Variants in APPBP2 observed in about 807,000 individuals in gnomAD.
APPBP2 encodes amyloid protein-binding protein 2.
In APPBP2, 15 loss-of-function variants were observed where a neutral mutation model predicts 76.0. That is an observed-to-expected ratio of 0.20 (90% CI 0.13 to 0.30). The LOEUF is 0.30. APPBP2 is among the 10% of genes least tolerant of loss of function. APPBP2 has a pLI of 1.00. For synonymous variants in APPBP2, 222 were observed against 242.2 expected, an observed-to-expected ratio of 0.92 and a Z score of 0.77; for missense variants, 401 against 687.2, an observed-to-expected ratio of 0.58 and a Z score of 4.66.
At chr17:60,508,233 G>A (rs901736398) in intron 1 of APPBP2, among the ~76,000 whole-genome samples, 1 of 152,028 alleles carries the variant, frequency 6.6e-6, no homozygotes, top group Non-Finnish European at 1.5e-5. Flanking sequence ...ATATGATGAA[G>A]GTAGGCAAAC....
intron 4 of APPBP2, among the ~76,000 whole-genome samples, chr17:60,476,458 TAA>T (rs1474663904): frequency 1.3e-5 from 2 of 152,140 alleles, no homozygotes; most frequent in Non-Finnish European, 2.9e-5. Flanking sequence ...AAAAAAAGGC[TAA>T]GTCATAAAAT....
chr17:60,494,040 A>G (rs2143431602), intron 3 of APPBP2, among the ~76,000 whole-genome samples: 1 of 152,318 alleles, frequency 6.6e-6, no homozygotes, highest in East Asian at 1.9e-4. Flanking sequence ...CATTTTAGAG[A>G]TGGGAAAACT....
At chr17:60,486,603 G>C (rs1382920637) in intron 3 of APPBP2, among the ~76,000 whole-genome samples, 2 of 151,986 alleles carry the variant, frequency 1.3e-5, no homozygotes, top group Non-Finnish European at 2.9e-5. Context: ...ATGTGAGATG[G>C]GTCTCCTAAA....
At chr17:60,514,272 T>C (rs2090944934) in intron 1 of APPBP2, among the ~76,000 whole-genome samples, 2 of 151,898 alleles carry the variant, frequency 1.3e-5, no homozygotes, top group Non-Finnish European at 1.5e-5. Context: ...CCAGCCTGGG[T>C]AACAGAGCAA....
intron 1 of APPBP2, among the ~76,000 whole-genome samples, 164 bp from the exon 2 acceptor site, chr17:60,500,651 G>C (rs1449052863): frequency 6.6e-6 from 1 of 152,014 alleles, no homozygotes; most frequent in African/African-American, 2.4e-5. Flanking sequence ...TATTTTAATA[G>C]TTGCATATAA....
chr17:60,491,737 C>T (rs530356960), intron 3 of APPBP2, among the ~76,000 whole-genome samples: 1 of 152,000 alleles, frequency 6.6e-6, no homozygotes, highest in South Asian at 2.1e-4. Flanking sequence ...TGAGCTACTG[C>T]ACCCAGTCAG....
At chr17:60,481,119 C>T (rs1205539693) in intron 3 of APPBP2, among the ~76,000 whole-genome samples, 2 of 152,158 alleles carry the variant, frequency 1.3e-5, no homozygotes, top group Non-Finnish European at 2.9e-5. Flanking sequence ...CAGTAACAGC[C>T]TAGCAGTATC....
rs2090331310 is a variant in APPBP2 at position 60,444,664 on chromosome 17, G to C, written c.*2917C>G. The C allele has an allele frequency of 6.6e-6, 1 of 152,166 alleles. No homozygotes were observed. Among genetic ancestry groups the C allele is most frequent in the South Asian group, 2.1e-4 (1 of 4,824 alleles). 9.4% of individuals were successfully genotyped at this position (152,166 alleles called of 1,614,324 possible). The stretch of plus-strand genomic sequence containing the variant: ...TAAGGGTCTCAATCCCTTTGGCAAA[G>C]TCAGCTTTGAGGATCCATAAAGATT... On this transcript the variant is annotated 3_prime_UTR_variant, in exon 13 of 13. Transcript: ENST00000083182.
chr17:60,455,966 T>C (rs1468216784), intron 10 of APPBP2, among the ~76,000 whole-genome samples: 1 of 152,162 alleles, frequency 6.6e-6, no homozygotes, highest in Non-Finnish European at 1.5e-5. Flanking sequence ...TTAGTAAAGA[T>C]GGGGTTTCAC....
intron 4 of APPBP2, among the ~76,000 whole-genome samples, chr17:60,466,999 C>A (rs564975557): frequency 1.8e-4 from 27 of 152,136 alleles, no homozygotes; most frequent in Admixed American, 4.6e-4. Context: ...ATACAGAGTT[C>A]TTTAAACAAA....
intron 2 of APPBP2, among the ~76,000 whole-genome samples, chr17:60,499,810 AC>A (rs2143451014): frequency 6.6e-6 from 1 of 152,330 alleles, no homozygotes; most frequent in South Asian, 2.1e-4. Context: ...AATACAATAC[AC>A]ACAAAAGGAT....
intron 2 of APPBP2, among the ~76,000 whole-genome samples, chr17:60,495,621 T>A (rs2090769397): frequency 6.6e-6 from 1 of 152,136 alleles, no homozygotes; most frequent in Admixed American, 6.6e-5. Context: ...TGGATGCCTG[T>A]CACTGCACCC....
chr17:60,512,791 C>CG (rs60268691), intron 1 of APPBP2, among the ~76,000 whole-genome samples: 1 of 141,654 alleles, frequency 7.1e-6, no homozygotes, highest in Non-Finnish European at 1.5e-5. Flanking sequence ...GCCGAGACTG[C>CG]CCATTACACT....
chr17:60,471,065 T>C (rs2090548891), intron 4 of APPBP2, among the ~76,000 whole-genome samples: 1 of 151,804 alleles, frequency 6.6e-6, no homozygotes, highest in Non-Finnish European at 1.5e-5. Flanking sequence ...CCAAACTGCT[T>C]GGATTACAGG....
At chr17:60,478,437 A>G (rs1490848385) in intron 4 of APPBP2, among the ~76,000 whole-genome samples, 1 of 152,216 alleles carries the variant, frequency 6.6e-6, no homozygotes, top group Non-Finnish European at 1.5e-5. Flanking sequence ...GTAAAGCACT[A>G]ATCTTGTTAT....
In APPBP2 at chr17:60,514,810, T is replaced by C. The variant is rs180975052; in HGVS notation, c.138+10984A>G. Reference sequence around the variant, plus strand: ...GAAGGCTGATGTTATTTTAAAACTTTTCTTTTTTTTTGAGGCAGGGTCTCA... The same window carrying C: ...GAAGGCTGATGTTATTTTAAAACTTCTCTTTTTTTTTGAGGCAGGGTCTCA... On this transcript the variant is annotated intron_variant, in intron 1 of 12. Transcript: ENST00000083182. Among the ~76,000 whole-genome samples, 5 of 152,196 alleles carry C rather than the reference T, an allele frequency of 3.3e-5. No homozygotes were observed. In the South Asian group the frequency reaches 6.2e-4, roughly 19 times the overall value.
chr17:60,486,700 G>A (rs1000185601), intron 3 of APPBP2, among the ~76,000 whole-genome samples: 2 of 152,116 alleles, frequency 1.3e-5, no homozygotes, highest in Non-Finnish European at 2.9e-5. Context: ...TATATTTAAG[G>A]TTAGTATTGT....
intron 1 of APPBP2, among the ~76,000 whole-genome samples, chr17:60,511,619 T>A (rs181078890): frequency 6.6e-6 from 1 of 151,778 alleles, no homozygotes; most frequent in Non-Finnish European, 1.5e-5. Context: ...AGAAAACACT[T>A]CCTGTCTCTA....
chr17:60,462,874 C>CT lies in APPBP2; in HGVS notation c.763-814dup, dbSNP rs542149063. On this transcript the variant is annotated intron_variant, in intron 6 of 12. Coordinates refer to ENST00000083182, the MANE Select transcript of APPBP2 (RefSeq NM_006380.5). ...CTGAGGCAGGAGAATGATGTGAACC[C>CT]TGGGGGGCGGAGCCTGCAGTGACCC... Among the ~76,000 whole-genome samples, 303 of 149,506 alleles carry CT rather than the reference C, an allele frequency of 2.0e-3. 1 individual carries two copies. Among genetic ancestry groups the CT allele is most frequent in the African/African-American group, 7.1e-3 (282 of 39,936 alleles).
Sources: allele counts gnomAD v4.1 joint callset (sites outside exome capture counted in the v4.1 genomes callset), GRCh38; gene constraint gnomAD v4.1.1; transcripts MANE v1.5; gene names NCBI Gene and HGNC (gene_info 2026-07-23, HGNC 2026-07-21).